SLC71A1: variants seen among roughly 807,000 people sequenced by gnomAD.
The protein encoded by SLC71A1 is hippocampus abundant gene transcript 1.
the SLC71A1 span, among the ~76,000 whole-genome samples, chr1:100,040,117 T>A: frequency 1.3e-5 from 2 of 152,212 alleles, no homozygotes; most frequent in African/African-American, 4.8e-5. Context: ...TATTTCATTC[T>A]CTATTCTAAG....
the SLC71A1 span, among the ~76,000 whole-genome samples, chr1:100,075,615 C>G: frequency 6.6e-6 from 1 of 152,130 alleles, no homozygotes; most frequent in Non-Finnish European, 1.5e-5. Context: ...ATTTCTAACC[C>G]TAATTAGAAT....
the SLC71A1 span, among the ~76,000 whole-genome samples, chr1:100,076,677 C>T: frequency 1.3e-5 from 2 of 152,184 alleles, no homozygotes; most frequent in African/African-American, 2.4e-5. Context: ...GCATTTATCC[C>T]AAATCAAGCT....
At chr1:100,065,746 C>T in the SLC71A1 span, among the ~76,000 whole-genome samples, 3 of 149,618 alleles carry the variant, frequency 2.0e-5, no homozygotes, top group Admixed American at 6.7e-5. Context: ...CCCCTTTTCT[C>T]TTCCCCTTTC....
chr1:100,071,051 C>T, the SLC71A1 span, among the ~76,000 whole-genome samples: 10 of 152,174 alleles, frequency 6.6e-5, no homozygotes, highest in African/African-American at 2.4e-4. Context: ...TAAAAATCAT[C>T]AGTCTGGAAA....
the SLC71A1 span, among the ~76,000 whole-genome samples, chr1:100,074,916 C>A: frequency 3.0e-4 from 45 of 152,226 alleles, no homozygotes; most frequent in African/African-American, 1.1e-3. Context: ...ATATATTCTC[C>A]AGTTAATCTT....
At chr1:100,038,313 C>A in the SLC71A1 span, 14 of 1,554,624 alleles carry the variant, frequency 9.0e-6, no homozygotes, top group Middle Eastern at 1.8e-3. Context: ...AGGACGGAGG[C>A]ACGGTGAGCT....
At chr1:100,051,851 A>G in the SLC71A1 span, among the ~76,000 whole-genome samples, 2 of 152,200 alleles carry the variant, frequency 1.3e-5, no homozygotes, top group Non-Finnish European at 1.5e-5. Flanking sequence ...TTCAAAGTGG[A>G]CTATGTTAAG....
the SLC71A1 span, chr1:100,067,832 A>C: frequency 1.4e-6 from 1 of 694,438 alleles, no homozygotes. Flanking sequence ...CCCACAAGAA[A>C]AAAAGATAAA....
the SLC71A1 span, among the ~76,000 whole-genome samples, chr1:100,060,325 TAAAAAC>T: frequency 6.6e-6 from 1 of 152,206 alleles, no homozygotes; most frequent in Admixed American, 6.5e-5. Context: ...TATAGAATGT[TAAAAAC>T]AGACACAAAA....
At chr1:100,064,657 T>C in the SLC71A1 span, among the ~76,000 whole-genome samples, 6 of 152,326 alleles carry the variant, frequency 3.9e-5, no homozygotes, top group Non-Finnish European at 7.3e-5. Context: ...CTTCTTTCAC[T>C]TGGCATAATC....
the SLC71A1 span, among the ~76,000 whole-genome samples, chr1:100,043,606 GGGTTT>G: frequency 6.6e-6 from 1 of 152,094 alleles, no homozygotes; most frequent in Non-Finnish European, 1.5e-5. Flanking sequence ...GGGTACAGGT[GGGTTT>G]TTGGTTACAT....
At chr1:100,067,003 A>AG in the SLC71A1 span, among the ~76,000 whole-genome samples, 1 of 151,090 alleles carries the variant, frequency 6.6e-6, no homozygotes, top group East Asian at 1.9e-4. Flanking sequence ...AAAAAAAAAA[A>AG]AAAAAAAAAA....
chr1:100,076,686 C>T, the SLC71A1 span, among the ~76,000 whole-genome samples: 1 of 152,112 alleles, frequency 6.6e-6, no homozygotes, highest in South Asian at 2.1e-4. Flanking sequence ...CCAAATCAAG[C>T]TTATTAATTT....
the SLC71A1 span, chr1:100,038,304 G>T: frequency 1.3e-6 from 2 of 1,556,224 alleles, no homozygotes; most frequent in Middle Eastern, 1.7e-4. Flanking sequence ...TCATCATTAA[G>T]GACGGAGGCA....
the SLC71A1 span, among the ~76,000 whole-genome samples, chr1:100,065,892 A>T: frequency 6.7e-6 from 1 of 149,534 alleles, no homozygotes; most frequent in African/African-American, 2.5e-5. Flanking sequence ...CCCAGACTGG[A>T]CTCACTCTTG....
At chr1:100,082,011 C>T in the SLC71A1 span, 2 of 1,611,668 alleles carry the variant, frequency 1.2e-6, no homozygotes, top group Non-Finnish European at 1.7e-6. Flanking sequence ...AGAATTCCAT[C>T]ATCCCTGGCC....
the SLC71A1 span, chr1:100,068,737 C>G: frequency 3.3e-6 from 2 of 601,248 alleles, no homozygotes; most frequent in African/African-American, 1.9e-5. Flanking sequence ...AATCTCAGCA[C>G]TTTGGTAGGC....
chr1:100,074,942 A>G, the SLC71A1 span, among the ~76,000 whole-genome samples: 1 of 152,246 alleles, frequency 6.6e-6, no homozygotes, highest in African/African-American at 2.4e-5. Context: ...TAAAAAGGAA[A>G]TGAGGCTAAT....
chr1:100,058,945 A>G, the SLC71A1 span, among the ~76,000 whole-genome samples: 2 of 152,072 alleles, frequency 1.3e-5, no homozygotes, highest in South Asian at 2.1e-4. Context: ...AATATAGCCA[A>G]TCATGCATAA....
Sources: gnomAD v4.1 joint callset for allele counts (sites outside exome capture counted in the v4.1 genomes callset) on GRCh38, gnomAD v4.1.1 for gene constraint, MANE v1.5 for transcripts, NCBI Gene and HGNC (gene_info 2026-07-23, HGNC 2026-07-21) for gene names.